The following TBL1XR1 variants were observed in gnomAD, a reference collection of about 807,000 sequenced individuals.
TBL1XR1 encodes TBL1X/Y related 1.
Under a neutral mutation model 66.9 loss-of-function variants are expected in TBL1XR1, and 5 were observed. The ratio of observed to expected loss-of-function variants is 0.07; its 90% CI spans 0.04 to 0.16. The LOEUF is 0.16. TBL1XR1 is among the 10% of genes least tolerant of loss of function. The pLI, the probability that TBL1XR1 is intolerant of heterozygous loss-of-function variation, is 1.00. For synonymous variants in TBL1XR1, 210 were observed against 206.0 expected (o/e 1.02, Z -0.17); for missense variants, 238 against 623.2 (o/e 0.38, Z 6.58).
At chr3:177,136,569 C>A (rs1273145211) in intron 1 of TBL1XR1, among the ~76,000 whole-genome samples, 2 of 152,214 alleles carry the variant, frequency 1.3e-5, no homozygotes, top group Admixed American at 6.5e-5. Flanking sequence ...CATGAGCCAC[C>A]ACGCCTGGCC....
intron 1 of TBL1XR1, among the ~76,000 whole-genome samples, chr3:177,122,288 TAAAA>T (rs11342009): frequency 1.4e-5 from 2 of 142,884 alleles, no homozygotes; most frequent in Non-Finnish European, 1.5e-5. Flanking sequence ...ATAAGACAGA[TAAAA>T]AAAAAAAAAA....
At chr3:177,047,806 C>T (rs1411734861) in intron 7 of TBL1XR1, 1 of 429,352 alleles carries the variant, frequency 2.3e-6, no homozygotes, top group Non-Finnish European at 4.2e-6. Context: ...GGATCTACAT[C>T]ACCCCACCTC....
chr3:177,191,639 G>A (rs1407353946), intron 1 of TBL1XR1, among the ~76,000 whole-genome samples: 1 of 152,162 alleles, frequency 6.6e-6, no homozygotes, highest in Non-Finnish European at 1.5e-5. Context: ...TAGAGGAACT[G>A]AACTTCTAAG....
intron 1 of TBL1XR1, among the ~76,000 whole-genome samples, chr3:177,173,907 C>G (rs1050662839): frequency 1.3e-5 from 2 of 151,968 alleles, no homozygotes; most frequent in African/African-American, 4.8e-5. Context: ...ACATTTAATC[C>G]AGATTAACAC....
At chr3:177,096,335 T>TACATACACACAC (rs368291107) in intron 2 of TBL1XR1, among the ~76,000 whole-genome samples, 7 of 150,202 alleles carry the variant, frequency 4.7e-5, no homozygotes, top group Non-Finnish European at 8.9e-5. Flanking sequence ...CATACATACA[T>TACATACACACAC]ACACACACAC....
chr3:177,036,049 C>A (rs1714735833), intron 12 of TBL1XR1, among the ~76,000 whole-genome samples: 1 of 152,190 alleles, frequency 6.6e-6, no homozygotes, highest in African/African-American at 2.4e-5. Flanking sequence ...AGGTAAACTA[C>A]CCTGCCTTCC....
intron 1 of TBL1XR1, among the ~76,000 whole-genome samples, chr3:177,176,279 C>G (rs542973247): frequency 6.6e-5 from 10 of 151,540 alleles, no homozygotes; most frequent in African/African-American, 2.4e-4. Context: ...ACTGCAACAC[C>G]TCCGCCCCCT....
At chr3:177,063,360 T>C (rs1438482481) in intron 3 of TBL1XR1, among the ~76,000 whole-genome samples, 2 of 152,224 alleles carry the variant, frequency 1.3e-5, no homozygotes, top group African/African-American at 2.4e-5. Context: ...TAATTTTATA[T>C]GGCTCAACCT....
intron 2 of TBL1XR1, among the ~76,000 whole-genome samples, chr3:177,086,221 T>A (rs1352182682): frequency 1.3e-5 from 2 of 151,748 alleles, no homozygotes; most frequent in Non-Finnish European, 2.9e-5. Context: ...ACCCAATGTA[T>A]CTGGAATATT....
At chr3:177,031,205 G>A (rs1046142069) in intron 14 of TBL1XR1, among the ~76,000 whole-genome samples, 1 of 152,100 alleles carries the variant, frequency 6.6e-6, no homozygotes, top group Non-Finnish European at 1.5e-5. Flanking sequence ...ATTTAGGAAA[G>A]AGTTTTTAAG....
Position 177,019,626 on chromosome 3 carries a change from T to A in TBL1XR1, c.*5872A>T, listed in dbSNP as rs1712103440. ...TCAAATGAATATATTGGTAAAACAG[T>A]AAACTTTGATCTGATCTGCTACGGA... On this transcript the variant is annotated 3_prime_UTR_variant, in exon 16 of 16. Transcript: ENST00000457928. 6.6e-6 allele frequency: 1 copy of A among 152,168 alleles called. No homozygotes were observed. The highest frequency in any genetic ancestry group is 2.4e-5 in the African/African-American group (1 of 41,450). The allele number at this position is 152,168 out of a possible 1,614,324, so 9.4% of individuals were successfully genotyped here.
At chr3:177,197,633 A>G (rs1355970533), upstream of TBL1XR1, among the ~76,000 whole-genome samples, 48 of 79,036 alleles carry the variant, frequency 6.1e-4, no homozygotes, top group Admixed American at 5.0e-3. Context: ...CGGGCGGGCG[A>G]GCGGGCGGGC....
At chr3:177,099,920 T>G (rs1369960758) in intron 1 of TBL1XR1, among the ~76,000 whole-genome samples, 1 of 152,248 alleles carries the variant, frequency 6.6e-6, no homozygotes, top group African/African-American at 2.4e-5. Context: ...ATAATTAACA[T>G]GTACTACTAA....
intron 2 of TBL1XR1, among the ~76,000 whole-genome samples, chr3:177,094,759 G>C (rs1175466447): frequency 6.6e-6 from 1 of 152,152 alleles, no homozygotes; most frequent in Non-Finnish European, 1.5e-5. Flanking sequence ...ATAAGTGAGA[G>C]CGAAGCTATG....
At chr3:177,037,917 A>C (rs529358178) in intron 12 of TBL1XR1, 181 bp downstream of exon 12, 1 of 567,764 alleles carries the variant, frequency 1.8e-6, no homozygotes, top group African/African-American at 1.9e-5. Flanking sequence ...AAATAGTTTT[A>C]TGTATTTCAG....
chr3:177,132,959 C>A (rs1350535053), intron 1 of TBL1XR1, among the ~76,000 whole-genome samples: 1 of 152,170 alleles, frequency 6.6e-6, no homozygotes, highest in African/African-American at 2.4e-5. Context: ...AATGAATGCT[C>A]TGAGATAAAT....
rs1313515730 is a variant in TBL1XR1 at position 177,020,674 on chromosome 3, CCT to C, written c.*4822_*4823del. 4.6e-5 allele frequency: 7 copies of C among 152,170 alleles called. No homozygotes were observed. The highest frequency in any genetic ancestry group is 1.4e-4 in the African/African-American group (6 of 41,540). 9.4% of individuals were successfully genotyped at this position (152,170 alleles called of 1,614,324 possible). A position where few individuals can be genotyped will look rare whatever the true frequency, so the allele number is the denominator to read the frequency against. ...CAAACTGTAAACAAGAAATACCATC[CCT>C]CTCTCTTTACCTGACTAGTAAATAG... is the stretch of plus-strand genomic sequence containing the variant. On this transcript the variant is annotated 3_prime_UTR_variant, in exon 16 of 16. Coordinates refer to ENST00000457928, the MANE Select transcript of TBL1XR1 (RefSeq NM_024665.7).
intron 2 of TBL1XR1, among the ~76,000 whole-genome samples, chr3:177,073,510 T>C (rs1466139708): frequency 6.6e-6 from 1 of 152,042 alleles, no homozygotes; most frequent in Non-Finnish European, 1.5e-5. Context: ...GGAATGAAAA[T>C]TATAAATTTT....
chr3:177,131,904 T>C (rs1359812562), intron 1 of TBL1XR1, among the ~76,000 whole-genome samples: 2 of 44,646 alleles, frequency 4.5e-5, no homozygotes, highest in African/African-American at 1.1e-4. Flanking sequence ...CTAGTGGAAG[T>C]TTAAAAAAAA....
Sources: gnomAD v4.1 joint callset for allele counts (sites outside exome capture counted in the v4.1 genomes callset) on GRCh38, gnomAD v4.1.1 for gene constraint, MANE v1.5 for transcripts, NCBI Gene and HGNC (gene_info 2026-07-23, HGNC 2026-07-21) for gene names.